WRNIP1: variants seen among roughly 807,000 people sequenced by gnomAD.
WRNIP1 encodes ATPase WRNIP1.
A neutral mutation model predicts 56.1 loss-of-function variants in WRNIP1; 41 were observed. The observed-to-expected ratio is 0.73, with a 90% CI of 0.57 to 0.95. The LOEUF (loss-of-function observed/expected upper bound fraction) is 0.95. WRNIP1 is among the 40% of genes least tolerant of loss of function. The pLI is 0.00. For missense variants in WRNIP1, 1,170 were observed against 939.4 expected (o/e 1.25, Z -3.21); for synonymous variants, 547 against 398.1 (o/e 1.37, Z -4.45).
In WRNIP1 at chr6:2,765,990, TC is replaced by T; in HGVS notation, c.372del (p.Asp125ThrfsTer157). 7.2e-7 allele frequency: 1 copy of T among 1,383,768 alleles called. No homozygotes were observed. Among genetic ancestry groups the T allele is most frequent in the Non-Finnish European group, 9.4e-7 (1 of 1,066,804 alleles). The allele number at this position is 1,383,768 out of a possible 1,614,324, so 85.7% of individuals were successfully genotyped here. On this transcript the variant is annotated frameshift_variant, in exon 1 of 7. Transcript: ENST00000380773. LOFTEE classifies it high-confidence loss of function. ...APPTPSGARLIPDFPVARSSS... is the reference protein window; with the variant it reads ...APPTPSGARLXPDFPVARSSS... ...CCCACACCCAGCGGCGCCCGCCTTA[TC>T]CCCGACTTCCCGGTGGCCCGCTCCA... is the stretch of plus-strand genomic sequence containing the variant.
chr6:2,766,374 T>C lies in WRNIP1; in HGVS notation c.752T>C (p.Leu251Pro), dbSNP rs754187773. The C allele has an allele frequency of 6.2e-7, 1 of 1,609,276 alleles. No individual in the cohort carries two copies. Among genetic ancestry groups the C allele is most frequent in the Non-Finnish European group, 8.5e-7 (1 of 1,178,312 alleles). Reference protein sequence around the residue: ...GQSKAVGQDTLLRSLLETNEI... With the variant: ...GQSKAVGQDTPLRSLLETNEI... ...AGCAAGGCCGTGGGCCAGGATACCC[T>C]GCTGCGCTCGCTCCTGGAGACCAAC... Residue 251 changes from leucine (L) to proline (P), a missense_variant, in exon 1 of 7, where the codon CTG becomes CCG. Transcript: ENST00000380773.
At chr6:2,784,302 C>G (rs1402693782) in intron 5 of WRNIP1, 22 bp from the exon 6 acceptor site, 3 of 1,609,336 alleles carry the variant, frequency 1.9e-6, no homozygotes. Flanking sequence ...CTGAAACTCT[C>G]CTTTGTCTCT....
chr6:2,768,834 A>G lies in WRNIP1; in HGVS notation c.966A>G (p.Lys322=). ...AQNEKSFFKR[K]TILFIDEIHR... ...ATGAAAAGAGCTTTTTCAAAAGGAAAACCATCCTTTTTATTGATGAGATTC... is the reference window on the plus strand; with the variant it reads ...ATGAAAAGAGCTTTTTCAAAAGGAAGACCATCCTTTTTATTGATGAGATTC... Residue 322 remains lysine, a synonymous_variant, in exon 2 of 7, where the codon AAA becomes AAG. Transcript: ENST00000380773. 1.2e-6 allele frequency: 2 copies of G among 1,613,706 alleles called. No individual in the cohort carries two copies. Among genetic ancestry groups the G allele is most frequent in the Non-Finnish European group, 1.7e-6 (2 of 1,179,830 alleles).
At chr6:2,769,818 G>T (rs747428109) in intron 2 of WRNIP1, among the ~76,000 whole-genome samples, 47 of 152,130 alleles carry the variant, frequency 3.1e-4, no homozygotes, top group South Asian at 1.2e-3. Context: ...GGTAGAAGAT[G>T]GTTTTCTGAG....
chr6:2,773,186 T>TA (rs1004394714), intron 3 of WRNIP1: 100 of 984,560 alleles, frequency 1.0e-4, no homozygotes, highest in East Asian at 2.3e-4. Flanking sequence ...GTTCTTTTTT[T>TA]AAAAAAAAAT....
At chr6:2,775,738 G>A (rs946721325) in intron 3 of WRNIP1, among the ~76,000 whole-genome samples, 11 of 152,168 alleles carry the variant, frequency 7.2e-5, no homozygotes, top group African/African-American at 2.4e-4. Context: ...CTCATCAGTT[G>A]GAGAAGCCAA....
intron 3 of WRNIP1, among the ~76,000 whole-genome samples, chr6:2,777,465 T>C (rs898374049): frequency 2.6e-5 from 4 of 152,306 alleles, no homozygotes; most frequent in Non-Finnish European, 5.9e-5. Context: ...GAAGGCTTTT[T>C]GTTGCTAGGC....
Position 2,766,023 on chromosome 6 carries a change from C to T in WRNIP1, c.401C>T (p.Pro134Leu). ...TTCCCGGTGGCCCGCTCCAGCAGCC[C>T]CGGGAGGAAGGGGTCGGGGAAGAGG... The part of the protein sequence containing the change: ...PDFPVARSSS[P>L]GRKGSGKRPA... The change falls in exon 1 of 7, where the codon CCC becomes CTC. Residue 134 changes from proline (P) to leucine (L), a missense_variant. Physicochemically the swap from Pro to Leu is moderately conservative, Grantham distance 98. Transcript: ENST00000380773. 5 of 1,324,932 alleles carry T rather than the reference C, an allele frequency of 3.8e-6. No homozygotes were observed. The highest frequency in any genetic ancestry group is 4.8e-6 in the Non-Finnish European group (5 of 1,039,196). The allele number at this position is 1,324,932 out of a possible 1,614,324, so 82.1% of individuals were successfully genotyped here.
rs561958922 is a variant in WRNIP1 at position 2,785,066 on chromosome 6, C to T, written c.1782C>T (p.Tyr594=). 8 of 1,614,046 alleles carry T rather than the reference C, an allele frequency of 5.0e-6. No individual in the cohort carries two copies. The Admixed American group carries it at 1.2e-4, about 24-fold the overall frequency. ...GAGCCCCAAAGTCCATTGAGGTGTA[C>T]AGCGCCTACAACAACGTCAAAGCCT... ...FARAPKSIEV[Y]SAYNNVKACL... The change falls in exon 7 of 7, where the codon TAC becomes TAT. Residue 594 remains tyrosine (Y), a synonymous_variant. Coordinates refer to ENST00000380773, the MANE Select transcript of WRNIP1 (RefSeq NM_020135.3).
In WRNIP1 at chr6:2,765,458, T is replaced by A; in HGVS notation, c.-165T>A. 1.2e-6 allele frequency: 1 copy of A among 837,338 alleles called. No individual in the cohort carries two copies. Among genetic ancestry groups the A allele is most frequent in the Non-Finnish European group, 1.6e-6 (1 of 637,442 alleles). 51.9% of individuals were successfully genotyped at this position (837,338 alleles called of 1,614,324 possible). A position where few individuals can be genotyped will look rare whatever the true frequency, so the allele number is the denominator to read the frequency against. On this transcript the variant is annotated 5_prime_UTR_variant, in exon 1 of 7. Transcript: ENST00000380773. ...GCCGAGGGCGGGCGGACGCGGGAGC[T>A]GCGGACGTGAGGCATGAGCGGCGCC...
Position 2,766,177 on chromosome 6 carries a change from C to T in WRNIP1, c.555C>T (p.Asp185=), listed in dbSNP as rs761098525. Residue 185 remains aspartate (D), a synonymous_variant, in exon 1 of 7, where the codon GAC becomes GAT. Coordinates refer to ENST00000380773, the MANE Select transcript of WRNIP1 (RefSeq NM_020135.3). The part of the protein sequence containing the change: ...DGDADADGED[D]PGHWDADAAE... ...ACGCGGACGCGGACGGCGAGGACGA[C>T]CCGGGGCACTGGGACGCGGACGCTG... 22 of 1,370,648 alleles carry T rather than the reference C, an allele frequency of 1.6e-5. 1 individual carries two copies. The South Asian group carries it at 2.7e-4, about 17-fold the overall frequency. The allele number at this position is 1,370,648 out of a possible 1,614,324, so 84.9% of individuals were successfully genotyped here.
intron 4 of WRNIP1, among the ~76,000 whole-genome samples, chr6:2,781,241 C>T (rs548562530): frequency 1.3e-5 from 2 of 152,322 alleles, no homozygotes; most frequent in East Asian, 3.9e-4. Flanking sequence ...GTGGGGATCA[C>T]CTTGTCTATA....
In WRNIP1 at chr6:2,766,123, G is replaced by A. The variant is rs1253677392; in HGVS notation, c.501G>A (p.Glu167=). The change falls in exon 1 of 7, where the codon GAG becomes GAA. Residue 167 remains glutamate, a synonymous_variant. Transcript: ENST00000380773. The stretch of plus-strand genomic sequence containing the variant: ...AGGCGGAGGCGCAGGAGGAGGAGGA[G>A]GCCGTGGGCGACGGCGATGGCGACG... ...WDEAEAQEEE[E]AVGDGDGDGD... The A allele has an allele frequency of 1.5e-6, 2 of 1,325,886 alleles. No homozygotes were observed. The highest frequency in any genetic ancestry group is 1.5e-5 in the African/African-American group (1 of 64,930). The allele number at this position is 1,325,886 out of a possible 1,614,324, so 82.1% of individuals were successfully genotyped here.
At chr6:2,783,653 T>TTTTTTTTAGG in intron 5 of WRNIP1, 92 bp downstream of exon 5, 2 of 119,820 alleles carry the variant, frequency 1.7e-5, no homozygotes, top group African/African-American at 1.8e-4. Context: ...TTTTTTTTTT[T>TTTTTTTTAGG]GCAGGGCGGG....
chr6:2,765,635 G>C lies in WRNIP1; in HGVS notation c.13G>C (p.Gly5Arg), dbSNP rs773086796. 4.6e-6 allele frequency: 7 copies of C among 1,537,144 alleles called. No homozygotes were observed. The highest frequency in any genetic ancestry group is 6.1e-6 in the Non-Finnish European group (7 of 1,150,616). Residue 5 changes from glycine (G) to arginine (R), a missense_variant, in exon 1 of 7, where the codon GGG (glycine) becomes CGG (arginine). Physicochemically the swap from Gly to Arg is moderately radical, Grantham distance 125. Coordinates refer to ENST00000380773, the MANE Select transcript of WRNIP1 (RefSeq NM_020135.3). MEVSGPEDDPFLSQL... is the reference protein window; with the variant it reads MEVSRPEDDPFLSQL... ...GGCGGCGGCCGCCATGGAGGTGAGC[G>C]GGCCGGAAGACGACCCCTTCCTTTC...
intron 3 of WRNIP1, chr6:2,773,215 T>C (rs1005013145): frequency 1.0e-6 from 1 of 985,276 alleles, no homozygotes; most frequent in African/African-American, 1.7e-5. Flanking sequence ...GTAGTTATTA[T>C]TCAGTCAAAA....
Position 2,766,167 on chromosome 6 carries a change from G to T in WRNIP1, c.545G>T (p.Gly182Val). 9 of 1,340,134 alleles carry T rather than the reference G, an allele frequency of 6.7e-6. No homozygotes were observed. The highest frequency in any genetic ancestry group is 8.6e-6 in the Non-Finnish European group (9 of 1,051,738). The allele number at this position is 1,340,134 out of a possible 1,614,324, so 83.0% of individuals were successfully genotyped here. ...GDGDGDADAD[G>V]EDDPGHWDAD... Reference sequence around the variant, plus strand: ...GGCGACGGGGACGCGGACGCGGACGGCGAGGACGACCCGGGGCACTGGGAC... The same window carrying T: ...GGCGACGGGGACGCGGACGCGGACGTCGAGGACGACCCGGGGCACTGGGAC... The change falls in exon 1 of 7, where the codon GGC becomes GTC. Residue 182 changes from glycine (G) to valine (V), a missense_variant. By Grantham distance (109) the Gly-to-Val change is moderately radical. Transcript: ENST00000380773.
intron 3 of WRNIP1, among the ~76,000 whole-genome samples, 155 bp from the exon 4 acceptor site, chr6:2,779,108 G>GA (rs1319923013): frequency 6.6e-6 from 1 of 152,202 alleles, no homozygotes; most frequent in African/African-American, 2.4e-5. Flanking sequence ...TCGTAGTCTT[G>GA]ATGATGCTTA....
chr6:2,766,206 A>T lies in WRNIP1; in HGVS notation c.584A>T (p.Glu195Val), dbSNP rs754937498. Residue 195 changes from glutamate to valine, a missense_variant, in exon 1 of 7, where the codon GAA (glutamate) becomes GTA (valine). Coordinates refer to ENST00000380773, the MANE Select transcript of WRNIP1 (RefSeq NM_020135.3). Reference protein sequence around the residue: ...DPGHWDADAAEAATAFGASGG... With the variant: ...DPGHWDADAAVAATAFGASGG... ...GGGCACTGGGACGCGGACGCTGCCG[A>T]AGCCGCCACCGCCTTCGGGGCCAGT... 1.7e-5 allele frequency: 24 copies of T among 1,447,912 alleles called. No individual in the cohort carries two copies. In the South Asian group the frequency reaches 3.2e-4, roughly 19 times the overall value. 89.7% of individuals were successfully genotyped at this position (1,447,912 alleles called of 1,614,324 possible).
Sources: allele counts gnomAD v4.1 joint callset (sites outside exome capture counted in the v4.1 genomes callset), GRCh38; gene constraint gnomAD v4.1.1; transcripts MANE v1.5; gene names NCBI Gene and HGNC (gene_info 2026-07-23, HGNC 2026-07-21).